Variants in TOX3 observed in about 807,000 individuals in gnomAD.
TOX3 encodes the protein CAG trinucleotide repeat-containing gene F9 protein.
TOX3 carries 22 observed loss-of-function variants against 64.3 expected under a neutral mutation model. That is an observed-to-expected ratio of 0.34 (90% CI 0.24 to 0.49). TOX3 has a LOEUF of 0.49. TOX3 is among the 20% of genes least tolerant of loss of function. The pLI is 0.99. For synonymous variants in TOX3, 291 were observed against 273.6 expected (o/e 1.06, Z -0.63); for missense variants, 661 against 714.4 (o/e 0.93, Z 0.85).
intron 1 of TOX3, among the ~76,000 whole-genome samples, chr16:52,544,619 G>A (rs1018986228): frequency 6.6e-5 from 10 of 152,302 alleles, no homozygotes; most frequent in South Asian, 4.1e-4. Flanking sequence ...AAGAAAATAC[G>A]ACAGTAAGCC....
At chr16:52,525,637 G>A (rs1962712607) in intron 1 of TOX3, among the ~76,000 whole-genome samples, 1 of 152,182 alleles carries the variant, frequency 6.6e-6, no homozygotes, top group Non-Finnish European at 1.5e-5. Flanking sequence ...ATATTGGGAA[G>A]TCCATTTGAG....
At chr16:52,501,930 G>A (rs191563804) in intron 1 of TOX3, among the ~76,000 whole-genome samples, 114 of 152,282 alleles carry the variant, frequency 7.5e-4, no homozygotes, top group African/African-American at 2.7e-3. Context: ...ATTACCTGCA[G>A]GAAGGCAGCA....
chr16:52,492,876 G>A (rs1289985692), intron 1 of TOX3, among the ~76,000 whole-genome samples: 5 of 148,696 alleles, frequency 3.4e-5, no homozygotes, highest in African/African-American at 5.0e-5. Flanking sequence ...AGAGGCACAA[G>A]GTAGATCAGA....
chr16:52,503,760 T>G (rs1239464030), intron 1 of TOX3, among the ~76,000 whole-genome samples: 6 of 152,226 alleles, frequency 3.9e-5, no homozygotes, highest in African/African-American at 1.4e-4. Context: ...AGACTTTATT[T>G]GAACCAAAGA....
chr16:52,456,485 C>T (rs1014068833), intron 3 of TOX3, among the ~76,000 whole-genome samples: 18 of 152,256 alleles, frequency 1.2e-4, no homozygotes, highest in African/African-American at 4.3e-4. Context: ...TTCAACAAAG[C>T]CTTCTGGTTT....
At chr16:52,449,458 T>C (rs1056574656) in intron 4 of TOX3, among the ~76,000 whole-genome samples, 4 of 152,142 alleles carry the variant, frequency 2.6e-5, no homozygotes, top group Admixed American at 2.6e-4. Context: ...AGTAAAGTCT[T>C]CCTCAAATCA....
intron 1 of TOX3, among the ~76,000 whole-genome samples, chr16:52,514,679 G>A (rs921831803): frequency 2.0e-5 from 3 of 152,038 alleles, no homozygotes; most frequent in African/African-American, 7.2e-5. Flanking sequence ...GAAGAGCAGA[G>A]CCCCAGAAGA....
chr16:52,503,792 A>T (rs755989381), intron 1 of TOX3, among the ~76,000 whole-genome samples: 2 of 152,244 alleles, frequency 1.3e-5, no homozygotes, highest in Non-Finnish European at 2.9e-5. Context: ...GTAACAACAT[A>T]CATGTTGTAA....
intron 1 of TOX3, among the ~76,000 whole-genome samples, chr16:52,488,485 T>G (rs1036535459): frequency 1.3e-5 from 2 of 152,228 alleles, no homozygotes; most frequent in African/African-American, 4.8e-5. Context: ...CCATGACTTT[T>G]CTGCAATTCT....
intron 3 of TOX3, among the ~76,000 whole-genome samples, chr16:52,454,055 A>G (rs903318680): frequency 5.3e-5 from 8 of 152,148 alleles, no homozygotes; most frequent in African/African-American, 1.7e-4. Context: ...CCCCCAAGCT[A>G]GCTAGTGAAT....
intron 1 of TOX3, among the ~76,000 whole-genome samples, chr16:52,537,878 TAAAAAAAAA>T (rs57403617): frequency 9.0e-6 from 1 of 111,040 alleles, no homozygotes; most frequent in African/African-American, 3.3e-5. Context: ...GCTGATATGA[TAAAAAAAAA>T]AAAAAAAAAA....
intron 1 of TOX3, among the ~76,000 whole-genome samples, chr16:52,529,818 C>CT (rs1962812693): frequency 6.6e-6 from 1 of 152,102 alleles, no homozygotes; most frequent in Admixed American, 6.5e-5. Flanking sequence ...GTGTAATGAG[C>CT]TATACATTGT....
intron 1 of TOX3, among the ~76,000 whole-genome samples, chr16:52,515,344 T>G (rs1488130975): frequency 1.3e-5 from 2 of 152,304 alleles, no homozygotes; most frequent in East Asian, 3.9e-4. Flanking sequence ...AGTTTTTCTT[T>G]GTTTGAACTT....
intron 1 of TOX3, among the ~76,000 whole-genome samples, chr16:52,521,634 T>C (rs1237864253): frequency 6.6e-6 from 1 of 152,222 alleles, no homozygotes; most frequent in Non-Finnish European, 1.5e-5. Context: ...CGTACACAGC[T>C]TCAGTGGATG....
chr16:52,503,429 T>G (rs764853872), intron 1 of TOX3, among the ~76,000 whole-genome samples: 2 of 152,334 alleles, frequency 1.3e-5, no homozygotes, highest in Middle Eastern at 3.4e-3. Context: ...ACCCTGTACC[T>G]ACCTTATTAT....
At chr16:52,538,080 AT>A (rs1962996466) in intron 1 of TOX3, among the ~76,000 whole-genome samples, 1 of 152,158 alleles carries the variant, frequency 6.6e-6, no homozygotes, top group Non-Finnish European at 1.5e-5. Flanking sequence ...TAAAACAATC[AT>A]TTTAACCACT....
rs1366157855 is a variant in TOX3, at chr16:52,437,023, G to A, written c.*2202C>T. 6.6e-6 allele frequency: 1 copy of A among 152,114 alleles called. No individual in the cohort carries two copies. The highest frequency in any genetic ancestry group is 1.5e-5 in the Non-Finnish European group (1 of 68,016). 9.4% of individuals were successfully genotyped at this position (152,114 alleles called of 1,614,324 possible). ...ATTCACAGAAAATCTTTTACCATTCGAGCTCTACTTCTGAAGGATCTGATG... is the reference window on the plus strand; with the variant it reads ...ATTCACAGAAAATCTTTTACCATTCAAGCTCTACTTCTGAAGGATCTGATG... On this transcript the variant is annotated 3_prime_UTR_variant, in exon 7 of 7. Transcript: ENST00000219746.
At chr16:52,539,581 T>C (rs957388499) in intron 1 of TOX3, among the ~76,000 whole-genome samples, 1 of 152,216 alleles carries the variant, frequency 6.6e-6, no homozygotes, top group African/African-American at 2.4e-5. Context: ...AAGGATGTTG[T>C]CCTTGCATTT....
Position 52,479,349 on chromosome 16 carries a change from A to C in TOX3, c.88-10775T>G, listed in dbSNP as rs140321202. ...CTGATATAGGAGCCTGCAAGTATAC[A>C]CTGTGCTTAGGGGAGGCTTAGCTTG... On this transcript the variant is annotated intron_variant, in intron 1 of 6. Coordinates refer to ENST00000219746, the MANE Select transcript of TOX3 (RefSeq NM_001080430.4). Among the ~76,000 whole-genome samples, 6 of 152,364 alleles carry C rather than the reference A, an allele frequency of 3.9e-5. No individual in the cohort carries two copies. In the East Asian group the frequency reaches 1.2e-3, roughly 29 times the overall value.
Sources: gnomAD v4.1 joint callset for allele counts (sites outside exome capture counted in the v4.1 genomes callset) on GRCh38, gnomAD v4.1.1 for gene constraint, MANE v1.5 for transcripts, NCBI Gene and HGNC (gene_info 2026-07-23, HGNC 2026-07-21) for gene names.